PDE3A: variants seen among roughly 807,000 people sequenced by gnomAD.
The protein encoded by PDE3A is phosphodiesterase 3A.
Under a neutral mutation model 98.3 loss-of-function variants are expected in PDE3A, and 43 were observed. The ratio of observed to expected loss-of-function variants is 0.44; its 90% CI spans 0.34 to 0.56. PDE3A has a LOEUF of 0.56. Among genes scored for constraint, PDE3A ranks in the 20% least tolerant of loss-of-function variants. The probability of loss-of-function intolerance (pLI) is 0.01; values close to 1 mark genes in which losing one functional copy is unlikely to be tolerated. For synonymous variants in PDE3A, 663 were observed against 567.9 expected (o/e 1.17, Z -2.38); for missense variants, 1,427 against 1,440.7 (o/e 0.99, Z 0.15).
At chr12:20,457,676 A>G (rs1945175517) in intron 1 of PDE3A, among the ~76,000 whole-genome samples, 1 of 151,812 alleles carries the variant, frequency 6.6e-6, no homozygotes, top group Non-Finnish European at 1.5e-5. Flanking sequence ...GTAAGGGTTA[A>G]TCTACTTTTG....
At chr12:20,660,944 G>A (rs1945155686) in intron 15 of PDE3A, among the ~76,000 whole-genome samples, 1 of 152,176 alleles carries the variant, frequency 6.6e-6, no homozygotes, top group Admixed American at 6.5e-5. Flanking sequence ...GTAACAGGAA[G>A]AGGTTGGAAC....
chr12:20,550,686 CATG>C (rs895080040), intron 1 of PDE3A, among the ~76,000 whole-genome samples: 2 of 152,052 alleles, frequency 1.3e-5, no homozygotes, highest in African/African-American at 2.4e-5. Flanking sequence ...ATTAAATCAT[CATG>C]ATAATTCCAA....
At chr12:20,612,052 T>C (rs2121447752) in intron 2 of PDE3A, among the ~76,000 whole-genome samples, 1 of 152,096 alleles carries the variant, frequency 6.6e-6, no homozygotes, top group Admixed American at 6.6e-5. Flanking sequence ...ATAGAATATA[T>C]ACATTTAAGC....
rs369182893 is a variant in PDE3A, at chr12:20,665,861, AT to A, written c.3184+11659del. On this transcript the variant is annotated intron_variant, in intron 15 of 15. Transcript: ENST00000359062. Reference sequence around the variant, plus strand: ...TTTTAATCAATATATATTTGTACATATTTATGTGGGGCACATGATATTTTGC... The same window carrying A: ...TTTTAATCAATATATATTTGTACATATTATGTGGGGCACATGATATTTTGC... 1.2e-3 allele frequency among the ~76,000 whole-genome samples: 185 copies of A among 151,382 alleles called. 1 individual carries two copies. The highest frequency in any genetic ancestry group is 4.3e-3 in the African/African-American group (179 of 41,268).
chr12:20,659,467 C>A (rs1303282294), intron 15 of PDE3A, among the ~76,000 whole-genome samples: 1 of 152,022 alleles, frequency 6.6e-6, no homozygotes, highest in Non-Finnish European at 1.5e-5. Context: ...ATTATTAAGA[C>A]TTTTCTTTTT....
At chr12:20,625,214 T>C (rs927569598) in intron 5 of PDE3A, among the ~76,000 whole-genome samples, 1 of 152,216 alleles carries the variant, frequency 6.6e-6, no homozygotes, top group Non-Finnish European at 1.5e-5. Flanking sequence ...CACATAGGAC[T>C]CCTTTAATAA....
At chr12:20,557,606 A>G (rs547030899) in intron 2 of PDE3A, among the ~76,000 whole-genome samples, 1 of 152,238 alleles carries the variant, frequency 6.6e-6, no homozygotes, top group Non-Finnish European at 1.5e-5. Context: ...GCTTCTCCCA[A>G]GTGTTTACAA....
At chr12:20,414,554 C>G (rs547341754) in intron 1 of PDE3A, among the ~76,000 whole-genome samples, 1 of 152,252 alleles carries the variant, frequency 6.6e-6, no homozygotes, top group Non-Finnish European at 1.5e-5. Context: ...GCGAAGGTGT[C>G]AAAAATGTTT....
chr12:20,401,580 A>G (rs1944131356), intron 1 of PDE3A, among the ~76,000 whole-genome samples: 1 of 151,940 alleles, frequency 6.6e-6, no homozygotes. Flanking sequence ...CTCTGCCCCT[A>G]ATTCTCATCT....
chr12:20,453,827 TAG>T, intron 1 of PDE3A, among the ~76,000 whole-genome samples: 1 of 152,152 alleles, frequency 6.6e-6, no homozygotes, highest in South Asian at 2.1e-4. Context: ...TCAAAATAGC[TAG>T]AGTCTCACCA....
intron 1 of PDE3A, among the ~76,000 whole-genome samples, chr12:20,546,810 A>C (rs1942072862): frequency 6.6e-6 from 1 of 152,018 alleles, no homozygotes; most frequent in Non-Finnish European, 1.5e-5. Context: ...ATATTCTATA[A>C]ATTCTTGTTG....
intron 1 of PDE3A, 156 bp downstream of exon 1, chr12:20,370,400 GTTTTTTTTGT>G (rs1037042611): frequency 3.9e-5 from 14 of 359,858 alleles, no homozygotes; most frequent in African/African-American, 2.4e-4. Context: ...TTTTTTTTTT[GTTTTTTTTGT>G]TTTTTTTTTT....
At chr12:20,638,303 A>T (rs975239953) in intron 9 of PDE3A, among the ~76,000 whole-genome samples, 2 of 152,182 alleles carry the variant, frequency 1.3e-5, no homozygotes, top group African/African-American at 4.8e-5. Context: ...TTCTACAAGC[A>T]CATATGGCTG....
intron 15 of PDE3A, among the ~76,000 whole-genome samples, chr12:20,668,623 C>A (rs1272111585): frequency 9.9e-5 from 15 of 152,226 alleles, no homozygotes; most frequent in Non-Finnish European, 2.2e-4. Context: ...CTCCAACAGA[C>A]CTGCAGCTGA....
intron 1 of PDE3A, among the ~76,000 whole-genome samples, chr12:20,477,869 A>T (rs2120993328): frequency 6.6e-6 from 1 of 152,258 alleles, no homozygotes; most frequent in East Asian, 1.9e-4. Flanking sequence ...GTGCTTGAAA[A>T]GTCTTCTCAT....
chr12:20,678,612 T>G (rs971301897), intron 15 of PDE3A, among the ~76,000 whole-genome samples: 2 of 152,362 alleles, frequency 1.3e-5, no homozygotes, highest in African/African-American at 2.4e-5. Flanking sequence ...CTGCCTCACC[T>G]GCCTAACAGC....
intron 1 of PDE3A, among the ~76,000 whole-genome samples, chr12:20,403,466 G>T (rs1017453637): frequency 6.6e-6 from 1 of 152,154 alleles, no homozygotes; most frequent in Non-Finnish European, 1.5e-5. Flanking sequence ...CTAGATGGAG[G>T]CCTGAGGGTG....
Position 20,368,548 on chromosome 12 carries a change from G to T in PDE3A, c.-737G>T, listed in dbSNP as rs908897123. 6.6e-6 allele frequency among the ~76,000 whole-genome samples: 1 copy of T among 150,798 alleles called. No individual in the cohort carries two copies. Among genetic ancestry groups the T allele is most frequent in the African/African-American group, 2.4e-5 (1 of 41,082 alleles). On this transcript the variant is annotated 5_prime_UTR_variant, in exon 1 of 16. Coordinates refer to ENST00000359062, the MANE Select transcript of PDE3A (RefSeq NM_000921.5). ...CTTCTGCGGCTGCCGCTAGTCTCTCGGTCTGGCTCTCTCTCCGACGGGACT... is the reference window on the plus strand; with the variant it reads ...CTTCTGCGGCTGCCGCTAGTCTCTCTGTCTGGCTCTCTCTCCGACGGGACT...
intron 8 of PDE3A, 25 bp from the exon 9 acceptor site, chr12:20,637,075 A>G: frequency 6.5e-7 from 1 of 1,529,382 alleles, no homozygotes; most frequent in Non-Finnish European, 8.8e-7. Flanking sequence ...ATGCTGTTTA[A>G]GTATTTTAAT....
Sources: allele counts gnomAD v4.1 joint callset (sites outside exome capture counted in the v4.1 genomes callset), GRCh38; gene constraint gnomAD v4.1.1; transcripts MANE v1.5; gene names NCBI Gene and HGNC (gene_info 2026-07-23, HGNC 2026-07-21).